Variants in GRM3 observed in about 807,000 individuals in gnomAD.
GRM3 encodes glutamate metabotropic receptor 3.
A neutral mutation model predicts 70.5 loss-of-function variants in GRM3; 26 were observed. The observed-to-expected ratio is 0.37, with a 90% CI of 0.27 to 0.51. The LOEUF (loss-of-function observed/expected upper bound fraction) is 0.51. Ranked by LOEUF, GRM3 falls within the 20% of genes least tolerant of loss-of-function variation. The pLI, the probability that GRM3 is intolerant of heterozygous loss-of-function variation, is 0.93. For missense variants in GRM3, 859 were observed against 1,123.8 expected, an observed-to-expected ratio of 0.76 and a Z score of 3.37; for synonymous variants, 443 against 434.9, an observed-to-expected ratio of 1.02 and a Z score of -0.23.
chr7:86,676,199 A>G (rs990909024), intron 1 of GRM3, among the ~76,000 whole-genome samples: 1 of 151,996 alleles, frequency 6.6e-6, no homozygotes, highest in Non-Finnish European at 1.5e-5. Context: ...TATAAAGATT[A>G]CCAAGTATTT....
rs73396501 is a variant in GRM3, at chr7:86,655,924, C to G, written c.-141+11052C>G. On this transcript the variant is annotated intron_variant, in intron 1 of 5. Transcript: ENST00000361669. ...TGAGGGTCTCTCACCTCAGTTTCCTCGACACAAATTTTCTTTCATCTGACC... is the reference window on the plus strand; with the variant it reads ...TGAGGGTCTCTCACCTCAGTTTCCTGGACACAAATTTTCTTTCATCTGACC... Among the ~76,000 whole-genome samples the G allele has an allele frequency of 3.0e-3, 460 of 151,706 alleles. 2 individuals carry two copies. The highest frequency in any genetic ancestry group is 0.011 in the African/African-American group (437 of 41,332).
Position 86,684,964 on chromosome 7 carries a change from T to G in GRM3, c.-141+40092T>G, listed in dbSNP as rs142860042. Among the ~76,000 whole-genome samples the G allele has an allele frequency of 3.1e-3, 479 of 152,306 alleles. 1 individual carries two copies. Among genetic ancestry groups the G allele is most frequent in the Non-Finnish European group, 5.5e-3 (371 of 68,026 alleles). On this transcript the variant is annotated intron_variant, in intron 1 of 5. Transcript: ENST00000361669. ...GATTAATTGTGTAAAGTACTTATAG[T>G]AACTGAGAAAAAGGAAGCATGCTAT...
At chr7:86,795,624 T>C (rs2190300) in intron 3 of GRM3, among the ~76,000 whole-genome samples, 2,421 of 152,320 alleles carry the variant, frequency 0.016, 58 homozygotes, top group African/African-American at 0.056. Flanking sequence ...GGCTGCATAG[T>C]ATTCCATGGT....
intron 3 of GRM3, among the ~76,000 whole-genome samples, chr7:86,814,016 C>T (rs1455589486): frequency 6.6e-6 from 1 of 151,738 alleles, no homozygotes; most frequent in Admixed American, 6.6e-5. Flanking sequence ...CCAGACTAGA[C>T]AGCTTTTTAA....
chr7:86,720,426 G>C (rs76798847), intron 1 of GRM3, among the ~76,000 whole-genome samples: 2,571 of 152,146 alleles, frequency 0.017, 72 homozygotes, highest in African/African-American at 0.058. Context: ...GAAGATGAAT[G>C]AAAGTTGGAA....
chr7:86,837,372 C>G (rs1798477522), intron 3 of GRM3, among the ~76,000 whole-genome samples: 2 of 152,124 alleles, frequency 1.3e-5, no homozygotes, highest in East Asian at 1.9e-4. Context: ...GTTAGAGCAG[C>G]CTGAGCCTCA....
chr7:86,748,526 AC>A (rs3216249), intron 1 of GRM3, among the ~76,000 whole-genome samples: 60,153 of 151,934 alleles, frequency 0.4, 14,671 homozygotes, highest in African/African-American at 0.7. Context: ...AAATAGAAAT[AC>A]CTGAATAATC....
chr7:86,791,660 A>G (rs1020609852), intron 3 of GRM3, among the ~76,000 whole-genome samples: 1 of 152,210 alleles, frequency 6.6e-6, no homozygotes, highest in Non-Finnish European at 1.5e-5. Flanking sequence ...TTGATCCCAA[A>G]CATCTACCAC....
intron 1 of GRM3, among the ~76,000 whole-genome samples, chr7:86,693,219 C>T (rs914913301): frequency 6.6e-6 from 1 of 152,186 alleles, no homozygotes; most frequent in Non-Finnish European, 1.5e-5. Flanking sequence ...AATCAAAACC[C>T]TTTGAGGCAA....
intron 1 of GRM3, among the ~76,000 whole-genome samples, chr7:86,714,484 G>T (rs1795271314): frequency 6.6e-6 from 1 of 151,780 alleles, no homozygotes; most frequent in Non-Finnish European, 1.5e-5. Flanking sequence ...GTGAAAGAGG[G>T]TAACTTGCCC....
At chr7:86,655,847 TGTGTGG>T (rs767132908) in intron 1 of GRM3, among the ~76,000 whole-genome samples, 1,537 of 136,184 alleles carry the variant, frequency 0.011, 24 homozygotes, top group African/African-American at 0.023. Flanking sequence ...TGTGTGTGTG[TGTGTGG>T]GTGGGTGGGT....
intron 2 of GRM3, among the ~76,000 whole-genome samples, chr7:86,785,564 A>G (rs1220552669): frequency 6.6e-6 from 1 of 151,974 alleles, no homozygotes; most frequent in East Asian, 1.9e-4. Context: ...TTCTTTTCAC[A>G]TAGTCCAAGC....
chr7:86,804,013 G>A (rs961864385), intron 3 of GRM3, among the ~76,000 whole-genome samples: 3 of 152,152 alleles, frequency 2.0e-5, no homozygotes, highest in Non-Finnish European at 4.4e-5. Flanking sequence ...TGAGAATATA[G>A]AGAATGAGGT....
At chr7:86,700,693 C>A (rs551736539) in intron 1 of GRM3, among the ~76,000 whole-genome samples, 6 of 151,832 alleles carry the variant, frequency 4.0e-5, no homozygotes, top group African/African-American at 1.4e-4. Flanking sequence ...AATACTATGC[C>A]ATATCAGGAT....
intron 4 of GRM3, among the ~76,000 whole-genome samples, chr7:86,841,214 T>C (rs1471599466): frequency 2.0e-5 from 3 of 152,204 alleles, no homozygotes; most frequent in East Asian, 3.8e-4. Flanking sequence ...GGAATCAAGA[T>C]GTTGGCAAAG....
chr7:86,838,543 CAT>C (rs1798501339), intron 3 of GRM3, among the ~76,000 whole-genome samples: 2 of 152,156 alleles, frequency 1.3e-5, no homozygotes, highest in Admixed American at 6.5e-5. Context: ...CATCATAAAA[CAT>C]ATGACTACAT....
chr7:86,813,871 G>A (rs1797962767), intron 3 of GRM3, among the ~76,000 whole-genome samples: 1 of 151,696 alleles, frequency 6.6e-6, no homozygotes, highest in Non-Finnish European at 1.5e-5. Flanking sequence ...CTTGCTGAGA[G>A]CAAGAACCTA....
chr7:86,864,097 T>C (rs1033453043), intron 5 of GRM3, among the ~76,000 whole-genome samples, 185 bp from the exon 6 acceptor site: 2 of 149,054 alleles, frequency 1.3e-5, no homozygotes, highest in Non-Finnish European at 2.9e-5. Context: ...TTAGTGGTGA[T>C]GTGTGAGATT....
intron 2 of GRM3, among the ~76,000 whole-genome samples, chr7:86,771,604 A>G (rs899395976): frequency 6.6e-6 from 1 of 152,054 alleles, no homozygotes; most frequent in Admixed American, 6.6e-5. Flanking sequence ...TAGTCTTGAC[A>G]TGGAGTAGAG....
Sources: allele counts gnomAD v4.1 joint callset (sites outside exome capture counted in the v4.1 genomes callset), GRCh38; gene constraint gnomAD v4.1.1; transcripts MANE v1.5; gene names NCBI Gene and HGNC (gene_info 2026-07-23, HGNC 2026-07-21).